The following ENOX2 variants were observed in gnomAD, a reference collection of about 807,000 sequenced individuals.
ENOX2 encodes APK1 antigen.
Under a neutral mutation model 45.0 loss-of-function variants are expected in ENOX2, and 36 were observed. The observed-to-expected ratio is 0.80, with a 90% confidence interval of 0.61 to 1.06. The LOEUF is 1.06. Among genes scored for constraint, ENOX2 ranks in the 50% least tolerant of loss-of-function variants. The pLI is 0.00. For synonymous variants in ENOX2, 174 were observed against 152.3 expected (o/e 1.14, Z -1.05); for missense variants, 423 against 462.5 (o/e 0.91, Z 0.78).
chrX:130,836,532 G>A (rs941175338), intron 2 of ENOX2, among the ~76,000 whole-genome samples: 4 of 111,381 alleles, frequency 3.6e-5, no homozygotes, highest in Non-Finnish European at 7.5e-5. Context: ...AGTCTGAGGA[G>A]CAACTGATTG....
chrX:130,900,918 A>G (rs2079135215), intron 2 of ENOX2, among the ~76,000 whole-genome samples: 1 of 112,426 alleles, frequency 8.9e-6, no homozygotes, highest in African/African-American at 3.2e-5. Flanking sequence ...GGCAGAGGTC[A>G]TGAAAGAGAT....
intron 4 of ENOX2, among the ~76,000 whole-genome samples, chrX:130,691,020 C>T (rs1040662177): frequency 4.5e-5 from 5 of 110,821 alleles, no homozygotes; most frequent in Non-Finnish European, 7.6e-5. Context: ...TGCATGTACA[C>T]ACACACACAC....
intron 3 of ENOX2, among the ~76,000 whole-genome samples, chrX:130,777,964 A>C (rs2039896706): frequency 8.9e-6 from 1 of 112,370 alleles, no homozygotes; most frequent in Non-Finnish European, 1.9e-5. Context: ...ATCTGAGGGA[A>C]CAATAGGCTC....
chrX:130,766,004 T>C (rs1368911974), intron 3 of ENOX2, among the ~76,000 whole-genome samples: 1 of 111,544 alleles, frequency 9.0e-6, no homozygotes, highest in Non-Finnish European at 1.9e-5. Flanking sequence ...AAAGATAGTA[T>C]ATATCTAGTA....
intron 3 of ENOX2, chrX:130,709,295 G>A (rs1466933490): frequency 2.5e-6 from 3 of 1,200,962 alleles, no homozygotes; most frequent in Non-Finnish European, 3.4e-6. Context: ...TTTGCATTGT[G>A]TGGTCCTCAA....
chrX:130,817,815 G>T (rs964605399), intron 2 of ENOX2, among the ~76,000 whole-genome samples: 1 of 112,121 alleles, frequency 8.9e-6, no homozygotes, highest in Admixed American at 9.4e-5. Context: ...ATATCATACT[G>T]AATGGGCAGA....
intron 3 of ENOX2, among the ~76,000 whole-genome samples, chrX:130,721,510 C>T (rs968117165): frequency 1.7e-4 from 19 of 112,020 alleles, no homozygotes; most frequent in African/African-American, 5.5e-4. Flanking sequence ...CCAGATGATG[C>T]CTTCTTGAGA....
intron 2 of ENOX2, among the ~76,000 whole-genome samples, chrX:130,874,774 G>A (rs1371785290): frequency 1.8e-5 from 2 of 111,332 alleles, no homozygotes; most frequent in Non-Finnish European, 3.8e-5. Flanking sequence ...CTGCATGCAA[G>A]GATTAAAACA....
At chrX:130,783,880 A>G (rs1266319315) in intron 2 of ENOX2, among the ~76,000 whole-genome samples, 190 bp from the exon 3 acceptor site, 1 of 112,179 alleles carries the variant, frequency 8.9e-6, no homozygotes, top group African/African-American at 3.2e-5. Context: ...AAATTAAAAT[A>G]TAAGACTGTG....
At chrX:130,673,552 A>G (rs775397452) in intron 6 of ENOX2, among the ~76,000 whole-genome samples, 2 of 109,758 alleles carry the variant, frequency 1.8e-5, no homozygotes, top group Non-Finnish European at 3.8e-5. Flanking sequence ...AAGCTTTAAT[A>G]ACAGGCTATA....
At chrX:130,669,831 G>T (rs902314262) in intron 7 of ENOX2, 134 bp downstream of exon 7, 3 of 498,628 alleles carry the variant, frequency 6.0e-6, no homozygotes, top group African/African-American at 4.7e-5. Context: ...TATCTGCAAG[G>T]CTCCAACACA....
In ENOX2 at chrX:130,631,518, T is replaced by C; in HGVS notation, c.1478A>G (p.Lys493Arg). Residue 493 changes from lysine (K) to arginine (R), a missense_variant, in exon 13 of 15, where the codon AAG (lysine) becomes AGG (arginine). Physicochemically the swap from Lys to Arg is conservative, Grantham distance 26. Transcript: ENST00000394363. Reference sequence around the variant, plus strand: ...TTTGATAGGACTGCTGTTCATGGTCTTCTCAAGAGGGTATTCGCTATCCTG... The same window carrying C: ...TTTGATAGGACTGCTGTTCATGGTCCTCTCAAGAGGGTATTCGCTATCCTG... ...SNQDSEYPLEKTMNSSPIKSE... is the reference protein window; with the variant it reads ...SNQDSEYPLERTMNSSPIKSE... 1 of 1,207,321 alleles carries C rather than the reference T, an allele frequency of 8.3e-7. No homozygotes were observed. The highest frequency in any genetic ancestry group is 1.8e-5 in the South Asian group (1 of 56,872).
intron 2 of ENOX2, among the ~76,000 whole-genome samples, chrX:130,865,473 T>C (rs2078480681): frequency 8.9e-6 from 1 of 112,161 alleles, no homozygotes; most frequent in African/African-American, 3.2e-5. Flanking sequence ...AATCAATATG[T>C]TTACAGAGGT....
chrX:130,821,158 T>G (rs1408876959), intron 2 of ENOX2, among the ~76,000 whole-genome samples: 1 of 110,866 alleles, frequency 9.0e-6, no homozygotes, highest in Non-Finnish European at 1.9e-5. Flanking sequence ...CTTCAGTAAG[T>G]TATGTTTGAG....
intron 10 of ENOX2, among the ~76,000 whole-genome samples, chrX:130,650,833 T>C (rs6637760): frequency 1.1e-4 from 12 of 111,936 alleles, no homozygotes; most frequent in African/African-American, 3.6e-4. Flanking sequence ...CCAGACATGT[T>C]TCTGTACAAC....
At chrX:130,764,879 A>C (rs1264451642) in intron 3 of ENOX2, among the ~76,000 whole-genome samples, 1 of 111,909 alleles carries the variant, frequency 8.9e-6, no homozygotes, top group African/African-American at 3.2e-5. Context: ...TAAAAGGTTG[A>C]AATTTCAGTA....
chrX:130,693,170 T>C (rs2037659328), intron 4 of ENOX2, among the ~76,000 whole-genome samples: 1 of 112,044 alleles, frequency 8.9e-6, no homozygotes, highest in Non-Finnish European at 1.9e-5. Flanking sequence ...GTTATCCCTA[T>C]ATCTATTCAT....
At chrX:130,750,248 T>C (rs1482380017) in intron 3 of ENOX2, among the ~76,000 whole-genome samples, 3 of 111,952 alleles carry the variant, frequency 2.7e-5, no homozygotes, top group Non-Finnish European at 5.6e-5. Flanking sequence ...TATCTCTGCC[T>C]CTCTGTGCCT....
At chrX:130,784,087 G>A (rs2076931158) in intron 2 of ENOX2, among the ~76,000 whole-genome samples, 1 of 111,651 alleles carries the variant, frequency 9.0e-6, no homozygotes, top group African/African-American at 3.3e-5. Context: ...TTGATCTCAT[G>A]CAGATATAAT....
Sources: allele counts gnomAD v4.1 joint callset (sites outside exome capture counted in the v4.1 genomes callset), GRCh38; gene constraint gnomAD v4.1.1; transcripts MANE v1.5; gene names NCBI Gene and HGNC (gene_info 2026-07-23, HGNC 2026-07-21).